The following SLC2A13 variants were observed in gnomAD, a reference collection of about 807,000 sequenced individuals.
SLC2A13 encodes proton myo-inositol cotransporter.
A neutral mutation model predicts 64.4 loss-of-function variants in SLC2A13; 32 were observed. That is an observed-to-expected ratio of 0.50 (90% CI 0.37 to 0.67). The LOEUF is 0.67. Ranked by LOEUF, SLC2A13 falls within the 30% of genes least tolerant of loss-of-function variation. The pLI is 0.00. For missense variants in SLC2A13, 743 were observed against 829.2 expected, an observed-to-expected ratio of 0.90 and a Z score of 1.28; for synonymous variants, 338 against 327.1, an observed-to-expected ratio of 1.03 and a Z score of -0.36.
At chr12:40,063,475 CT>C (rs1330114442) in intron 1 of SLC2A13, among the ~76,000 whole-genome samples, 1 of 143,770 alleles carries the variant, frequency 7.0e-6, no homozygotes, top group Admixed American at 7.0e-5. Context: ...AAAAAAAAAA[CT>C]GAAGAAAAAA....
chr12:39,923,097 G>A (rs991473217), intron 4 of SLC2A13, among the ~76,000 whole-genome samples: 1 of 151,698 alleles, frequency 6.6e-6, no homozygotes, highest in Non-Finnish European at 1.5e-5. Flanking sequence ...GTCAGAAAAA[G>A]GTGAAGTCTA....
At chr12:40,017,898 C>A (rs983645423) in intron 3 of SLC2A13, among the ~76,000 whole-genome samples, 1 of 148,260 alleles carries the variant, frequency 6.7e-6, no homozygotes, top group African/African-American at 2.5e-5. Context: ...TGGACACAAA[C>A]ATTGACAACT....
intron 1 of SLC2A13, among the ~76,000 whole-genome samples, chr12:40,062,423 G>A (rs1445237823): frequency 6.6e-6 from 1 of 151,780 alleles, no homozygotes; most frequent in Non-Finnish European, 1.5e-5. Context: ...TCCATCACTT[G>A]TGAACATGGA....
chr12:39,815,579 G>A (rs961802584), intron 7 of SLC2A13, among the ~76,000 whole-genome samples: 2 of 152,144 alleles, frequency 1.3e-5, no homozygotes, highest in African/African-American at 4.8e-5. Flanking sequence ...CTTTGCCCTT[G>A]AGAAGTTTCT....
intron 7 of SLC2A13, among the ~76,000 whole-genome samples, chr12:39,821,271 G>A (rs1396046040): frequency 6.6e-6 from 1 of 152,034 alleles, no homozygotes; most frequent in African/African-American, 2.4e-5. Context: ...TTAGCCGGGC[G>A]TGTTGGCGGG....
intron 3 of SLC2A13, among the ~76,000 whole-genome samples, chr12:39,970,876 A>AT (rs1418594665): frequency 1.3e-5 from 2 of 152,144 alleles, no homozygotes; most frequent in African/African-American, 4.8e-5. Context: ...CAGTGCAAGT[A>AT]TTTTTTCCCT....
At chr12:39,842,439 C>T (rs539075849) in intron 6 of SLC2A13, among the ~76,000 whole-genome samples, 44 of 151,996 alleles carry the variant, frequency 2.9e-4, no homozygotes, top group Middle Eastern at 3.4e-3. Flanking sequence ...TAAAGTTATG[C>T]CATTGAGAAA....
At chr12:39,861,016 A>G (rs1943744697) in intron 6 of SLC2A13, among the ~76,000 whole-genome samples, 1 of 152,208 alleles carries the variant, frequency 6.6e-6, no homozygotes, top group Admixed American at 6.5e-5. Context: ...ATCTGTCTTA[A>G]TAGTCTTATC....
chr12:40,071,720 T>C (rs938826074), intron 1 of SLC2A13, among the ~76,000 whole-genome samples: 27 of 152,162 alleles, frequency 1.8e-4, no homozygotes, highest in Admixed American at 1.4e-3. Context: ...CTTGTAGGGA[T>C]AGAGTTATTC....
At chr12:39,850,977 G>A (rs1328704488) in intron 6 of SLC2A13, among the ~76,000 whole-genome samples, 2 of 150,948 alleles carry the variant, frequency 1.3e-5, no homozygotes, top group African/African-American at 2.4e-5. Context: ...TCAGCTCACT[G>A]CAACCTCTAC....
At chr12:39,976,519 C>G (rs2136138907) in intron 3 of SLC2A13, among the ~76,000 whole-genome samples, 1 of 152,134 alleles carries the variant, frequency 6.6e-6, no homozygotes, top group East Asian at 1.9e-4. Flanking sequence ...TTAATGTTAC[C>G]TCTGGTATTT....
At chr12:39,946,308 G>C (rs1231181842) in intron 4 of SLC2A13, among the ~76,000 whole-genome samples, 1 of 152,206 alleles carries the variant, frequency 6.6e-6, no homozygotes, top group Non-Finnish European at 1.5e-5. Flanking sequence ...AATTTTGGTG[G>C]TTTAACGCTC....
intron 4 of SLC2A13, among the ~76,000 whole-genome samples, chr12:39,918,267 T>C (rs1945552688): frequency 6.6e-6 from 1 of 152,062 alleles, no homozygotes; most frequent in Non-Finnish European, 1.5e-5. Context: ...CAAGAGTTAA[T>C]ATGGCACATC....
At chr12:39,898,429 A>G (rs1333297829) in intron 4 of SLC2A13, among the ~76,000 whole-genome samples, 2 of 152,102 alleles carry the variant, frequency 1.3e-5, no homozygotes, top group African/African-American at 4.8e-5. Flanking sequence ...TAAAATAACC[A>G]GTGTTTGTGT....
chr12:40,043,855 C>G (rs1948132148), intron 2 of SLC2A13, among the ~76,000 whole-genome samples: 1 of 152,116 alleles, frequency 6.6e-6, no homozygotes, highest in East Asian at 1.9e-4. Context: ...CAAGTGTTTA[C>G]TAGGACATGG....
At chr12:40,009,603 A>T (rs904550728) in intron 3 of SLC2A13, among the ~76,000 whole-genome samples, 3 of 151,994 alleles carry the variant, frequency 2.0e-5, no homozygotes, top group African/African-American at 4.8e-5. Context: ...CCAATTTTTT[A>T]AAAAACTTTT....
intron 7 of SLC2A13, among the ~76,000 whole-genome samples, chr12:39,827,432 G>T (rs990400130): frequency 1.3e-5 from 2 of 152,088 alleles, no homozygotes; most frequent in African/African-American, 2.4e-5. Flanking sequence ...CAGAGGCAAG[G>T]CCTGGAGCTT....
At chr12:39,964,698 A>C (rs1420007585) in intron 3 of SLC2A13, among the ~76,000 whole-genome samples, 1 of 152,206 alleles carries the variant, frequency 6.6e-6, no homozygotes, top group Non-Finnish European at 1.5e-5. Flanking sequence ...TGGAGGTCAC[A>C]AGGTGAATGC....
At chr12:39,962,373 G>C (rs945451796) in intron 3 of SLC2A13, among the ~76,000 whole-genome samples, 2 of 152,134 alleles carry the variant, frequency 1.3e-5, no homozygotes, top group African/African-American at 2.4e-5. Flanking sequence ...TTACAGGCGT[G>C]AGCCACCATG....
Sources: gnomAD v4.1 joint callset for allele counts (sites outside exome capture counted in the v4.1 genomes callset) on GRCh38, gnomAD v4.1.1 for gene constraint, MANE v1.5 for transcripts, NCBI Gene and HGNC (gene_info 2026-07-23, HGNC 2026-07-21) for gene names.